The following TMEM135 variants were observed in gnomAD, a reference collection of about 807,000 sequenced individuals.
TMEM135 encodes peroxisomal membrane protein 52.
In TMEM135, 30 loss-of-function variants were observed where a neutral mutation model predicts 60.3. The observed-to-expected ratio is 0.50, with a 90% CI of 0.37 to 0.68. The LOEUF (loss-of-function observed/expected upper bound fraction) is 0.68, where lower values mean the gene tolerates loss of function less well. Among genes scored for constraint, TMEM135 ranks in the 30% least tolerant of loss-of-function variants. The pLI, the probability that TMEM135 is intolerant of heterozygous loss-of-function variation, is 0.00. For synonymous variants in TMEM135, 190 were observed against 186.7 expected (o/e 1.02, Z -0.14); for missense variants, 468 against 548.8 (o/e 0.85, Z 1.47).
chr11:87,206,994 G>A (rs1418414983), intron 5 of TMEM135, among the ~76,000 whole-genome samples: 1 of 152,024 alleles, frequency 6.6e-6, no homozygotes, highest in Admixed American at 6.6e-5. Flanking sequence ...TCATTAAGAC[G>A]TTCATTTTAT....
intron 6 of TMEM135, among the ~76,000 whole-genome samples, chr11:87,246,765 CAA>C (rs1247065943): frequency 8.0e-6 from 1 of 124,762 alleles, no homozygotes; most frequent in African/African-American, 3.1e-5. Flanking sequence ...AAATTTTTTT[CAA>C]AGTTTTCAAC....
chr11:87,269,281 T>G (rs1941813975), intron 6 of TMEM135, among the ~76,000 whole-genome samples: 1 of 75,776 alleles, frequency 1.3e-5, no homozygotes, highest in Non-Finnish European at 2.3e-5. Context: ...TGCTTTAGGG[T>G]TTTTTTTTTT....
chr11:87,121,241 T>A (rs1057153463), intron 4 of TMEM135: 3 of 152,234 alleles, frequency 2.0e-5, no homozygotes, highest in Non-Finnish European at 4.4e-5. Flanking sequence ...TCATCCTTTC[T>A]TTGTTCATTT....
At position 87,217,535 on chromosome 11, in the gene TMEM135, C is replaced by G. The variant is rs182143873; in HGVS notation, c.463-19103C>G. ...GTGCGGTGGCTCCTGCCTGTAATCT[C>G]AGCACTTTGGGAGGCTGAGGTGGGC... On this transcript the variant is annotated intron_variant, in intron 5 of 14. Coordinates refer to ENST00000305494, the MANE Select transcript of TMEM135 (RefSeq NM_022918.4). Among the ~76,000 whole-genome samples the G allele has an allele frequency of 4.6e-5, 7 of 152,260 alleles. No individual in the cohort carries two copies. In the East Asian group the frequency reaches 1.4e-3, roughly 29 times the overall value.
chr11:87,240,965 A>G (rs1410807058), intron 6 of TMEM135, among the ~76,000 whole-genome samples: 1 of 152,148 alleles, frequency 6.6e-6, no homozygotes, highest in Non-Finnish European at 1.5e-5. Context: ...TCTGATGTCA[A>G]CATTGTGCAG....
At chr11:87,290,227 G>A (rs943625169) in intron 6 of TMEM135, among the ~76,000 whole-genome samples, 27 of 152,124 alleles carry the variant, frequency 1.8e-4, no homozygotes, top group Admixed American at 1.0e-3. Flanking sequence ...GCACATTTAC[G>A]TTATCCAATT....
chr11:87,218,558 A>C (rs1186653211), intron 5 of TMEM135, among the ~76,000 whole-genome samples: 1 of 152,180 alleles, frequency 6.6e-6, no homozygotes, highest in African/African-American at 2.4e-5. Context: ...TTGCTTTAGT[A>C]GTTTTTCCTT....
intron 6 of TMEM135, among the ~76,000 whole-genome samples, chr11:87,282,230 T>C (rs895254058): frequency 6.6e-6 from 1 of 151,892 alleles, no homozygotes; most frequent in African/African-American, 2.4e-5. Context: ...GGAGAACATG[T>C]GGAAGTGAGC....
chr11:87,271,698 C>T lies in TMEM135; in HGVS notation c.510-24084C>T, dbSNP rs190249819. On this transcript the variant is annotated intron_variant, in intron 6 of 14. Transcript: ENST00000305494. ...CCTGTAATCCTAGCACTTTGGGAGG[C>T]CAAGGTAGGCAGATTGCTTGAGCCC... Among the ~76,000 whole-genome samples the T allele has an allele frequency of 2.0e-3, 306 of 152,134 alleles. 2 individuals carry two copies. Among genetic ancestry groups the T allele is most frequent in the Non-Finnish European group, 2.8e-3 (187 of 67,996 alleles).
At chr11:87,269,394 T>G (rs1408721486) in intron 6 of TMEM135, among the ~76,000 whole-genome samples, 2 of 151,500 alleles carry the variant, frequency 1.3e-5, no homozygotes, top group Non-Finnish European at 2.9e-5. Context: ...GTGCACAATG[T>G]GCAGGTTAGT....
intron 4 of TMEM135, among the ~76,000 whole-genome samples, chr11:87,110,757 AATGTGTGTGTGTGT>A (rs1290471639): frequency 1.3e-5 from 2 of 151,676 alleles, no homozygotes; most frequent in Admixed American, 1.3e-4. Flanking sequence ...TTTTTAAAGG[AATGTGTGTGTGTGT>A]ATGTGTGTGT....
At chr11:87,202,031 CGTTAT>C (rs963841215) in intron 5 of TMEM135, among the ~76,000 whole-genome samples, 3 of 138,060 alleles carry the variant, frequency 2.2e-5, no homozygotes, top group East Asian at 4.1e-4. Context: ...TTATGTTTTA[CGTTAT>C]GTTATGTTAT....
intron 5 of TMEM135, among the ~76,000 whole-genome samples, chr11:87,169,826 G>T (rs527377936): frequency 2.8e-4 from 42 of 152,034 alleles, no homozygotes; most frequent in African/African-American, 9.6e-4. Context: ...TCTCTGTATT[G>T]CTTGAATTTG....
intron 5 of TMEM135, among the ~76,000 whole-genome samples, chr11:87,204,175 T>A (rs550350056): frequency 6.6e-6 from 1 of 152,264 alleles, no homozygotes; most frequent in South Asian, 2.1e-4. Flanking sequence ...TTTTTTTATC[T>A]AAAATGGTTC....
At chr11:87,129,558 T>TTTTTTTTG (rs58702794) in intron 4 of TMEM135, among the ~76,000 whole-genome samples, 2 of 149,724 alleles carry the variant, frequency 1.3e-5, no homozygotes, top group African/African-American at 2.5e-5. Flanking sequence ...TTTTTTTTTT[T>TTTTTTTTG]GAAATGGAAT....
chr11:87,143,379 T>A (rs1938319886), intron 4 of TMEM135, among the ~76,000 whole-genome samples: 2 of 150,828 alleles, frequency 1.3e-5, no homozygotes, highest in Admixed American at 1.3e-4. Context: ...TTTTTTTTTT[T>A]AAGCTGACCA....
At chr11:87,276,151 G>T (rs10898651) in intron 6 of TMEM135, among the ~76,000 whole-genome samples, 55,701 of 151,926 alleles carry the variant, frequency 0.37, 10,873 homozygotes, top group Non-Finnish European at 0.43. Flanking sequence ...GGACACTAAC[G>T]CACATAAATC....
intron 5 of TMEM135, among the ~76,000 whole-genome samples, chr11:87,203,931 C>T (rs933374088): frequency 6.6e-6 from 1 of 152,056 alleles, no homozygotes. Flanking sequence ...TCTTATCGTT[C>T]GTTTTCCAAG....
intron 6 of TMEM135, among the ~76,000 whole-genome samples, chr11:87,273,049 A>T (rs147244335): frequency 6.6e-6 from 1 of 152,018 alleles, no homozygotes; most frequent in East Asian, 1.9e-4. Flanking sequence ...CCATCTTATT[A>T]TTGTTTAAAA....
Sources: gnomAD v4.1 joint callset for allele counts (sites outside exome capture counted in the v4.1 genomes callset) on GRCh38, gnomAD v4.1.1 for gene constraint, MANE v1.5 for transcripts, NCBI Gene and HGNC (gene_info 2026-07-23, HGNC 2026-07-21) for gene names.